The following PRRG1 variants were observed in gnomAD, a reference collection of about 807,000 sequenced individuals.
PRRG1 encodes the protein proline rich and Gla domain 1.
In PRRG1, 5 loss-of-function variants were observed where a neutral mutation model predicts 11.8. The observed-to-expected ratio is 0.42, with a 90% CI of 0.22 to 0.89. The LOEUF is 0.89. Ranked by LOEUF, PRRG1 falls within the 40% of genes least tolerant of loss-of-function variation. PRRG1 has a pLI of 0.28. For missense variants in PRRG1, 155 were observed against 166.1 expected (o/e 0.93, Z 0.37); for synonymous variants, 66 against 60.4 (o/e 1.09, Z -0.43).
Position 37,455,460 on chromosome X carries a change from G to T in PRRG1, c.*1839G>T, listed in dbSNP as rs1921317263. 8.9e-6 allele frequency: 1 copy of T among 112,111 alleles called. No individual in the cohort carries two copies. The highest frequency in any genetic ancestry group is 3.2e-5 in the African/African-American group (1 of 30,797). The allele number at this position is 112,111 out of a possible 1,213,427, so 9.2% of individuals were successfully genotyped here. A position where few individuals can be genotyped will look rare whatever the true frequency, so the allele number is the denominator to read the frequency against. ...CACACAGTGAGAAATAGAGCAGGCT[G>T]CCCCATAAATGGGTAACATATTCCT... On this transcript the variant is annotated 3_prime_UTR_variant, in exon 4 of 4. Transcript: ENST00000378628.
chrX:37,439,950 C>A (rs1441585395), intron 3 of PRRG1, among the ~76,000 whole-genome samples: 1 of 108,978 alleles, frequency 9.2e-6, no homozygotes, highest in African/African-American at 3.4e-5. Flanking sequence ...CATGTGCCTG[C>A]CACCATGCCC....
chrX:37,393,106 T>C (rs1487047280), intron 1 of PRRG1, among the ~76,000 whole-genome samples: 1 of 111,320 alleles, frequency 9.0e-6, no homozygotes, highest in African/African-American at 3.3e-5. Flanking sequence ...TTTGCATAGC[T>C]TGCCTAGCTT....
chrX:37,441,577 G>A, intron 3 of PRRG1: 2 of 776,830 alleles, frequency 2.6e-6, no homozygotes, highest in Non-Finnish European at 3.1e-6. Context: ...CAACTGCGAG[G>A]CCGCTGTCAA....
chrX:37,457,168 C>G lies in PRRG1; in HGVS notation c.*3547C>G, dbSNP rs1921388044. ...GTATGTATTTTATTATAATATTTCT[C>G]ATTTTAAGATGCTTGGTTTACATTA... On this transcript the variant is annotated 3_prime_UTR_variant, in exon 4 of 4. Transcript: ENST00000378628. 8.9e-6 allele frequency: 1 copy of G among 111,862 alleles called. No individual in the cohort carries two copies. The highest frequency in any genetic ancestry group is 1.9e-5 in the Non-Finnish European group (1 of 53,112). The allele number at this position is 111,862 out of a possible 1,213,427, so 9.2% of individuals were successfully genotyped here.
At chrX:37,425,218 T>C (rs1556388084) in intron 2 of PRRG1, among the ~76,000 whole-genome samples, 1 of 111,686 alleles carries the variant, frequency 9.0e-6, no homozygotes, top group Non-Finnish European at 1.9e-5. Flanking sequence ...TGCAGAAGAA[T>C]TTTCTTTTTC....
chrX:37,376,551 G>GTGTATATA (rs1556372318), intron 1 of PRRG1, among the ~76,000 whole-genome samples: 1 of 26,911 alleles, frequency 3.7e-5, no homozygotes, highest in East Asian at 1.9e-3. Context: ...AAATGTGAGT[G>GTGTATATA]TATATATATA....
intron 2 of PRRG1, among the ~76,000 whole-genome samples, chrX:37,424,312 C>G (rs973019177): frequency 1.1e-4 from 12 of 111,227 alleles, no homozygotes; most frequent in Non-Finnish European, 2.3e-4. Context: ...GCAGCAGCAG[C>G]AGCATTTCCT....
chrX:37,372,497 G>T (rs1930797703), intron 1 of PRRG1, among the ~76,000 whole-genome samples: 1 of 111,492 alleles, frequency 9.0e-6, no homozygotes, highest in Non-Finnish European at 1.9e-5. Context: ...ATAGAGACAG[G>T]GTTTCACCAT....
At chrX:37,430,465 A>G (rs1324933244) in intron 3 of PRRG1, among the ~76,000 whole-genome samples, 1 of 111,784 alleles carries the variant, frequency 8.9e-6, no homozygotes, top group Non-Finnish European at 1.9e-5. Flanking sequence ...TTCCTTATAG[A>G]TGTTCTTCCA....
rs1342206200 is a variant in PRRG1 at position 37,386,333 on chromosome X, A to G, written c.-41-19876A>G. 6.3e-5 allele frequency among the ~76,000 whole-genome samples: 7 copies of G among 111,485 alleles called. 1 individual carries two copies. The East Asian group carries it at 2.0e-3, about 31-fold the overall frequency. ...TTTCACAGAGCTCTGTTGAGGTATAATTGTCATATAATTGGCATACATACA... is the reference window on the plus strand; with the variant it reads ...TTTCACAGAGCTCTGTTGAGGTATAGTTGTCATATAATTGGCATACATACA... On this transcript the variant is annotated intron_variant, in intron 1 of 3. Coordinates refer to ENST00000378628, the MANE Select transcript of PRRG1 (RefSeq NM_001142395.2).
chrX:37,424,086 A>G (rs1017420656), intron 2 of PRRG1, among the ~76,000 whole-genome samples: 2 of 111,450 alleles, frequency 1.8e-5, no homozygotes, highest in Non-Finnish European at 3.8e-5. Context: ...TGTTTGCACA[A>G]TGATGAAATA....
At chrX:37,400,011 AC>A (rs1556379723) in intron 1 of PRRG1, among the ~76,000 whole-genome samples, 1 of 111,522 alleles carries the variant, frequency 9.0e-6, no homozygotes, top group Admixed American at 9.5e-5. Context: ...AAAGAGACTT[AC>A]ACTCCCACAC....
At position 37,453,905 on chromosome X, in the gene PRRG1, A is replaced by G. The variant is rs1602045911; in HGVS notation, c.*284A>G. The G allele has an allele frequency of 4.7e-6, 1 of 212,955 alleles. No homozygotes were observed. The allele number at this position is 212,955 out of a possible 1,213,427, so 17.5% of individuals were successfully genotyped here. On this transcript the variant is annotated 3_prime_UTR_variant, in exon 4 of 4. Coordinates refer to ENST00000378628, the MANE Select transcript of PRRG1 (RefSeq NM_001142395.2). ...AGTGTATATATGTGTGTATAGGCAT[A>G]TATACGTGTGTATGCATCAACACAG... is the stretch of plus-strand genomic sequence containing the variant.
At chrX:37,391,658 G>A (rs1556376690) in intron 1 of PRRG1, among the ~76,000 whole-genome samples, 1 of 111,294 alleles carries the variant, frequency 9.0e-6, no homozygotes, top group Non-Finnish European at 1.9e-5. Context: ...AGATTTATTG[G>A]GATGGAAGGG....
chrX:37,433,214 C>T (rs1433487804), intron 3 of PRRG1, among the ~76,000 whole-genome samples: 1 of 111,488 alleles, frequency 9.0e-6, no homozygotes, highest in Non-Finnish European at 1.9e-5. Context: ...GGCCAAAGTG[C>T]TCAGAATCAC....
chrX:37,371,345 C>T (rs1229656130), intron 1 of PRRG1, among the ~76,000 whole-genome samples: 1 of 111,975 alleles, frequency 8.9e-6, no homozygotes, highest in East Asian at 2.8e-4. Context: ...GCTGTTCTGT[C>T]GCTCAGTAAA....
intron 1 of PRRG1, among the ~76,000 whole-genome samples, chrX:37,367,981 G>A (rs782164593): frequency 1.8e-5 from 2 of 111,696 alleles, no homozygotes; most frequent in East Asian, 5.6e-4. Context: ...GATGAACCTC[G>A]AACTTGAGGG....
At chrX:37,366,981 G>A (rs1274332177) in intron 1 of PRRG1, among the ~76,000 whole-genome samples, 4 of 111,773 alleles carry the variant, frequency 3.6e-5, no homozygotes, top group African/African-American at 1.3e-4. Context: ...AGGAAGCACA[G>A]TAACAGTGTT....
Position 37,425,987 on chromosome X carries a change from A to C in PRRG1, c.158A>C (p.Asn53Thr), listed in dbSNP as rs782815905. 8.5e-7 allele frequency: 1 copy of C among 1,180,391 alleles called. No individual in the cohort carries two copies. Among genetic ancestry groups the C allele is most frequent in the Admixed American group, 2.5e-5 (1 of 39,356 alleles). Reference protein sequence around the residue: ...TFEEAREAFENNEKTKEFWST... With the variant: ...TFEEAREAFETNEKTKEFWST... Reference sequence around the variant, plus strand: ...GAAGAAGCAAGAGAAGCTTTTGAAAATAATGAAAAAACTGTAAGTATGTTG... The same window carrying C: ...GAAGAAGCAAGAGAAGCTTTTGAAACTAATGAAAAAACTGTAAGTATGTTG... Residue 53 changes from asparagine to threonine, a missense_variant, in exon 3 of 4, where the codon AAT becomes ACT. Asn to Thr is a moderately conservative substitution (Grantham distance 65, BLOSUM62 0). Transcript: ENST00000378628.
Sources: allele counts gnomAD v4.1 joint callset (sites outside exome capture counted in the v4.1 genomes callset), GRCh38; gene constraint gnomAD v4.1.1; transcripts MANE v1.5; gene names NCBI Gene and HGNC (gene_info 2026-07-23, HGNC 2026-07-21).